CDH18: variants seen among roughly 807,000 people sequenced by gnomAD.
CDH18 encodes the protein cadherin 18.
A neutral mutation model predicts 67.9 loss-of-function variants in CDH18; 31 were observed. The observed-to-expected ratio is 0.46, with a 90% CI of 0.34 to 0.62. CDH18 has a LOEUF of 0.62. CDH18 is among the 20% of genes least tolerant of loss of function. The pLI is 0.01. For missense variants in CDH18, 890 were observed against 975.5 expected, an observed-to-expected ratio of 0.91 and a Z score of 1.17; for synonymous variants, 362 against 347.2, an observed-to-expected ratio of 1.04 and a Z score of -0.48.
intron 8 of CDH18, among the ~76,000 whole-genome samples, chr5:19,565,752 T>G (rs1740278276): frequency 6.6e-6 from 1 of 152,208 alleles, no homozygotes; most frequent in Non-Finnish European, 1.5e-5. Context: ...GTCTATGAAC[T>G]CACACTGTGA....
intron 2 of CDH18, among the ~76,000 whole-genome samples, chr5:20,078,110 A>G (rs943455800): frequency 2.6e-5 from 4 of 152,218 alleles, no homozygotes; most frequent in African/African-American, 9.6e-5. Context: ...AGAAGGCAAC[A>G]GTCAGATTTA....
At chr5:19,580,454 T>C (rs1243600932) in intron 7 of CDH18, among the ~76,000 whole-genome samples, 4 of 151,928 alleles carry the variant, frequency 2.6e-5, no homozygotes, top group African/African-American at 9.7e-5. Flanking sequence ...TTCATAGTCA[T>C]GTATCTAAAA....
At chr5:20,233,306 T>G (rs1742218516) in intron 2 of CDH18, among the ~76,000 whole-genome samples, 1 of 151,614 alleles carries the variant, frequency 6.6e-6, no homozygotes, top group Non-Finnish European at 1.5e-5. Context: ...GGTTTATGAG[T>G]TTAACGCTTT....
At chr5:19,997,826 G>T (rs1204049712) in intron 2 of CDH18, among the ~76,000 whole-genome samples, 1 of 152,076 alleles carries the variant, frequency 6.6e-6, no homozygotes, top group South Asian at 2.1e-4. Context: ...CACGCATAGG[G>T]TGTCATGAAA....
chr5:19,719,386 G>C (rs1357572336), intron 5 of CDH18, among the ~76,000 whole-genome samples: 2 of 151,892 alleles, frequency 1.3e-5, no homozygotes, highest in Non-Finnish European at 2.9e-5. Flanking sequence ...CAGCATTCCT[G>C]TTACTTTCCT....
intron 2 of CDH18, among the ~76,000 whole-genome samples, chr5:20,010,270 T>C (rs1254119528): frequency 6.6e-6 from 1 of 151,690 alleles, no homozygotes. Context: ...TGAGACAGAG[T>C]CTCCCCTAAG....
At chr5:20,443,411 G>C (rs1749779201) in intron 1 of CDH18, among the ~76,000 whole-genome samples, 1 of 151,488 alleles carries the variant, frequency 6.6e-6, no homozygotes, top group Non-Finnish European at 1.5e-5. Context: ...ATGAATATTG[G>C]TCATTGCATG....
At chr5:19,527,897 A>T (rs1011720423) in intron 9 of CDH18, among the ~76,000 whole-genome samples, 2 of 151,712 alleles carry the variant, frequency 1.3e-5, no homozygotes, top group Non-Finnish European at 3.0e-5. Flanking sequence ...TATATATATC[A>T]TTAATATTAT....
chr5:19,661,895 C>T (rs1199811113), intron 5 of CDH18, among the ~76,000 whole-genome samples: 3 of 152,050 alleles, frequency 2.0e-5, no homozygotes, highest in East Asian at 3.9e-4. Flanking sequence ...TGGGGTTAGA[C>T]TGCAGGTTTG....
chr5:19,719,278 A>G (rs531809304), intron 5 of CDH18, among the ~76,000 whole-genome samples: 9 of 151,980 alleles, frequency 5.9e-5, no homozygotes, highest in Non-Finnish European at 1.3e-4. Context: ...TTAATGGACT[A>G]ATGTCATATA....
At chr5:20,042,397 T>C (rs975050416) in intron 2 of CDH18, among the ~76,000 whole-genome samples, 3 of 152,204 alleles carry the variant, frequency 2.0e-5, no homozygotes, top group Admixed American at 6.5e-5. Context: ...AGGAAACTTT[T>C]TCCCTAAGAT....
chr5:19,489,500 G>A (rs914921828), intron 11 of CDH18, among the ~76,000 whole-genome samples: 3 of 151,862 alleles, frequency 2.0e-5, no homozygotes, highest in East Asian at 3.9e-4. Context: ...GCCCCCCTTG[G>A]CCTCCCATAG....
At chr5:20,207,316 C>A (rs1020453859) in intron 2 of CDH18, among the ~76,000 whole-genome samples, 5 of 151,348 alleles carry the variant, frequency 3.3e-5, no homozygotes, top group Admixed American at 1.3e-4. Flanking sequence ...TATAAAACAC[C>A]AATGAAAGAA....
At chr5:20,483,889 A>G (rs1288972889) in intron 1 of CDH18, among the ~76,000 whole-genome samples, 1 of 152,058 alleles carries the variant, frequency 6.6e-6, no homozygotes, top group African/African-American at 2.4e-5. Flanking sequence ...TTATTGAGAA[A>G]TACCCCACAA....
chr5:20,526,008 A>G (rs1386665639), intron 1 of CDH18, among the ~76,000 whole-genome samples: 4 of 151,426 alleles, frequency 2.6e-5, no homozygotes. Context: ...TAAGAATGAA[A>G]TAAGTTCACT....
chr5:20,044,648 A>G (rs1740754505), intron 2 of CDH18, among the ~76,000 whole-genome samples: 1 of 152,154 alleles, frequency 6.6e-6, no homozygotes, highest in South Asian at 2.1e-4. Flanking sequence ...GCCCTCATAG[A>G]TGAATCAGGA....
chr5:19,537,194 T>TC (rs57166641), intron 9 of CDH18, among the ~76,000 whole-genome samples: 3,733 of 151,898 alleles, frequency 0.025, 165 homozygotes, highest in African/African-American at 0.085. Context: ...CCAAAGTAAT[T>TC]CCCCCCCAGT....
chr5:19,506,205 C>T (rs1329467128), intron 10 of CDH18, among the ~76,000 whole-genome samples: 1 of 151,974 alleles, frequency 6.6e-6, no homozygotes, highest in East Asian at 1.9e-4. Context: ...TTACAAGGGA[C>T]ATGAAAGACG....
intron 2 of CDH18, among the ~76,000 whole-genome samples, chr5:20,219,750 A>G (rs184900981): frequency 6.6e-6 from 1 of 151,946 alleles, no homozygotes; most frequent in African/African-American, 2.4e-5. Context: ...ATTTCAATTG[A>G]TGCAAAAATA....
Sources: allele counts gnomAD v4.1 joint callset (sites outside exome capture counted in the v4.1 genomes callset), GRCh38; gene constraint gnomAD v4.1.1; transcripts MANE v1.5; gene names NCBI Gene and HGNC (gene_info 2026-07-23, HGNC 2026-07-21).